ACP7: variants seen among roughly 807,000 people sequenced by gnomAD.
The protein encoded by ACP7 is acid phosphatase type 7.
ACP7 carries 58 observed loss-of-function variants against 60.6 expected under a neutral mutation model. The ratio of observed to expected loss-of-function variants is 0.96; its 90% CI spans 0.77 to 1.19. ACP7 has a LOEUF of 1.19. Among genes scored for constraint, ACP7 ranks in the 50% most tolerant of loss-of-function variants. ACP7 has a pLI of 0.00. For missense variants in ACP7, 574 were observed against 596.2 expected (o/e 0.96, Z 0.39); for synonymous variants, 237 against 232.6 (o/e 1.02, Z -0.17).
chr19:39,094,722 G>GA, intron 2 of ACP7, among the ~76,000 whole-genome samples: 1 of 152,236 alleles, frequency 6.6e-6, no homozygotes, highest in Admixed American at 6.5e-5. Flanking sequence ...AGCTACTCAG[G>GA]AGGCTGAGGC....
At chr19:39,102,120 T>TCACACACACACA (rs561424510) in intron 11 of ACP7, among the ~76,000 whole-genome samples, 17 of 145,848 alleles carry the variant, frequency 1.2e-4, no homozygotes, top group Middle Eastern at 3.4e-3. Flanking sequence ...ACCCTTTCTC[T>TCACACACACACA]CACACACACA....
intron 11 of ACP7, among the ~76,000 whole-genome samples, chr19:39,105,568 T>C (rs1237406597): frequency 6.6e-6 from 1 of 152,016 alleles, no homozygotes; most frequent in Non-Finnish European, 1.5e-5. Flanking sequence ...TCCCCAAGGC[T>C]GGAGTACAGT....
intron 3 of ACP7, 124 bp downstream of exon 3, chr19:39,098,782 T>A (rs145582715): frequency 0.027 from 36,876 of 1,355,828 alleles, 1,156 homozygotes; most frequent in Admixed American, 0.17. Context: ...TCTGCAAGCC[T>A]GTTGTATGAG....
At chr19:39,106,435 G>A (rs11883402) in intron 11 of ACP7, among the ~76,000 whole-genome samples, 7,030 of 152,258 alleles carry the variant, frequency 0.046, 536 homozygotes, top group African/African-American at 0.16. Context: ...TTACACAGCC[G>A]TGTACTTTTC....
At chr19:39,110,031 T>C in intron 12 of ACP7, 22 bp from the exon 13 acceptor site, 1 of 1,608,430 alleles carries the variant, frequency 6.2e-7, no homozygotes, top group South Asian at 1.1e-5. Flanking sequence ...CTAACTACTG[T>C]CCCTGTTTTT....
chr19:39,099,061 C>A lies in ACP7; in HGVS notation c.424C>A (p.Leu142Met). The change falls in exon 4 of 13, where the codon CTG becomes ATG. Residue 142 changes from leucine (L) to methionine (M), a missense_variant. Coordinates refer to ENST00000331256, the MANE Select transcript of ACP7 (RefSeq NM_001004318.3). ...WSPRLAVFGD[L>M]GADNPKAVPR... ...TCCCCGTCTGGCTGTGTTTGGAGAC[C>A]TGGGGGCTGACAACCCGAAGGCCGT... The A allele has an allele frequency of 6.2e-7, 1 of 1,610,618 alleles. No homozygotes were observed. Among genetic ancestry groups the A allele is most frequent in the East Asian group, 2.2e-5 (1 of 44,672 alleles).
chr19:39,110,064 C>T lies in ACP7; in HGVS notation c.1263C>T (p.Ile421=), dbSNP rs752338455. 3.1e-6 allele frequency: 5 copies of T among 1,613,656 alleles called. No homozygotes were observed. Among genetic ancestry groups the T allele is most frequent in the East Asian group, 2.2e-5 (1 of 44,882 alleles). ...QQVSDDQDGK[I]VDDVWVVRPL... ...TTTGTCCCTCACAGGATGGGAAGAT[C>T]GTAGATGATGTCTGGGTGGTGAGAC... Residue 421 remains isoleucine, a synonymous_variant, in exon 13 of 13, where the codon ATC becomes ATT. Transcript: ENST00000331256.
At chr19:39,095,677 CTGTG>C (rs1174596718) in intron 2 of ACP7, among the ~76,000 whole-genome samples, 1 of 152,258 alleles carries the variant, frequency 6.6e-6, no homozygotes, top group Non-Finnish European at 1.5e-5. Flanking sequence ...AGTAGGGACT[CTGTG>C]TGGGGGCTCC....
chr19:39,103,853 C>T (rs573014945), intron 11 of ACP7, among the ~76,000 whole-genome samples: 25 of 152,094 alleles, frequency 1.6e-4, no homozygotes, highest in Non-Finnish European at 1.5e-5. Flanking sequence ...TTAATAGAGA[C>T]AGTCTCACTA....
intron 11 of ACP7, among the ~76,000 whole-genome samples, chr19:39,102,787 C>CTT (rs2073369289): frequency 8.2e-6 from 1 of 121,616 alleles, no homozygotes; most frequent in Admixed American, 8.5e-5. Context: ...CTCTTTCTCT[C>CTT]TCTCTCTTTC....
chr19:39,098,973 C>A lies in ACP7; in HGVS notation c.336C>A (p.Gly112=). 6.2e-7 allele frequency: 1 copy of A among 1,612,948 alleles called. No homozygotes were observed. The highest frequency in any genetic ancestry group is 8.5e-7 in the Non-Finnish European group (1 of 1,179,910). ...LPGVQYVYRC[G]SAQGWSRRFR... ...TCTCCCATTCAGTTTATCGCTGTGG[C>A]AGTGCGCAGGGCTGGAGCCGTCGGT... The change falls in exon 4 of 13, where the codon GGC becomes GGA. Residue 112 remains glycine, a synonymous_variant. Transcript: ENST00000331256.
chr19:39,085,446 G>A (rs150282968), intron 2 of ACP7, 56 bp downstream of exon 2: 336 of 1,533,112 alleles, frequency 2.2e-4, no homozygotes, highest in African/African-American at 2.2e-3. Context: ...GCGGTGCTTC[G>A]TTGTTTGAGG....
chr19:39,087,715 G>C (rs566615732), intron 2 of ACP7, among the ~76,000 whole-genome samples: 15 of 150,152 alleles, frequency 1.0e-4, no homozygotes, highest in East Asian at 2.0e-4. Context: ...CTCACTGCAA[G>C]CTCCACCTCC....
chr19:39,084,170 C>T (rs1263543168), upstream of ACP7: 15 of 152,308 alleles, frequency 9.8e-5, no homozygotes, highest in African/African-American at 3.6e-4. Context: ...CCTTCCCGCG[C>T]CACGCCCTGG....
chr19:39,103,905 C>A (rs562862289), intron 11 of ACP7, among the ~76,000 whole-genome samples: 10 of 151,748 alleles, frequency 6.6e-5, no homozygotes, highest in Middle Eastern at 3.4e-3. Context: ...TTAAGTGATC[C>A]CCCAGCTCGG....
In ACP7 at chr19:39,085,528, G is replaced by T; in HGVS notation, c.121+138G>T. 4.9e-6 allele frequency: 6 copies of T among 1,218,596 alleles called. No homozygotes were observed. In the South Asian group the frequency reaches 1.0e-4, roughly 21 times the overall value. 75.5% of individuals were successfully genotyped at this position (1,218,596 alleles called of 1,614,324 possible). A position where few individuals can be genotyped will look rare whatever the true frequency, so the allele number is the denominator to read the frequency against. On this transcript the variant is annotated intron_variant, in intron 2 of 12. Coordinates refer to ENST00000331256, the MANE Select transcript of ACP7 (RefSeq NM_001004318.3). Reference sequence around the variant, plus strand: ...TCCTGAGCCTCCATCATCCACCTCTGTGGAATAGGAAGTACAGGCTGTGGA... The same window carrying T: ...TCCTGAGCCTCCATCATCCACCTCTTTGGAATAGGAAGTACAGGCTGTGGA...
intron 11 of ACP7, among the ~76,000 whole-genome samples, chr19:39,105,190 AT>A: frequency 6.6e-6 from 1 of 151,224 alleles, no homozygotes; most frequent in Non-Finnish European, 1.5e-5. Context: ...TAATTATTGT[AT>A]TTTTAGTAGA....
intron 11 of ACP7, among the ~76,000 whole-genome samples, chr19:39,102,281 T>G (rs2073356131): frequency 6.6e-6 from 1 of 152,100 alleles, no homozygotes; most frequent in Non-Finnish European, 1.5e-5. Context: ...ATCGCACCAA[T>G]GCACTCTAGC....
intron 2 of ACP7, among the ~76,000 whole-genome samples, chr19:39,090,983 C>G (rs1175256670): frequency 6.6e-6 from 1 of 151,804 alleles, no homozygotes; most frequent in African/African-American, 2.4e-5. Flanking sequence ...ATGATTGTCC[C>G]AGATTTGGTC....
Sources: gnomAD v4.1 joint callset for allele counts (sites outside exome capture counted in the v4.1 genomes callset) on GRCh38, gnomAD v4.1.1 for gene constraint, MANE v1.5 for transcripts, NCBI Gene and HGNC (gene_info 2026-07-23, HGNC 2026-07-21) for gene names.